The following TEX11 variants were observed in gnomAD, a reference collection of about 807,000 sequenced individuals.
TEX11 encodes the protein testis-expressed protein 11.
Under a neutral mutation model 84.4 loss-of-function variants are expected in TEX11, and 7 were observed. That is an observed-to-expected ratio of 0.08 (90% CI 0.05 to 0.16). The LOEUF (loss-of-function observed/expected upper bound fraction) is 0.16. TEX11 is among the 10% of genes least tolerant of loss of function. The pLI, the probability that TEX11 is intolerant of heterozygous loss-of-function variation, is 1.00. For missense variants in TEX11, 551 were observed against 660.5 expected (o/e 0.83, Z 1.82); for synonymous variants, 264 against 222.8 (o/e 1.18, Z -1.64).
chrX:70,757,566 A>T (rs1005126511), intron 9 of TEX11, among the ~76,000 whole-genome samples: 17 of 112,004 alleles, frequency 1.5e-4, no homozygotes, highest in African/African-American at 5.5e-4. Context: ...CAGACAAGTA[A>T]ATGCTGAGAC....
intron 9 of TEX11, among the ~76,000 whole-genome samples, chrX:70,784,773 T>A (rs919048046): frequency 9.0e-6 from 1 of 111,420 alleles, no homozygotes; most frequent in African/African-American, 3.3e-5. Flanking sequence ...TTACAAGGGA[T>A]GTGAAGGACC....
chrX:70,756,113 T>C lies in TEX11; in HGVS notation c.693-11894A>G, dbSNP rs188131219. Among the ~76,000 whole-genome samples the C allele has an allele frequency of 3.9e-3, 437 of 112,125 alleles. 1 individual carries two copies. The highest frequency in any genetic ancestry group is 6.5e-3 in the Non-Finnish European group (346 of 53,051). On this transcript the variant is annotated intron_variant, in intron 9 of 29. Coordinates refer to ENST00000374333, the MANE Select transcript of TEX11 (RefSeq NM_031276.3). ...CGTGAAAACAAAGAGGCCAGGAAGC[T>C]CGAACTGGGCGGAGCCCACTGCAGC...
At chrX:70,712,313 C>G (rs1481162353) in intron 13 of TEX11, among the ~76,000 whole-genome samples, 1 of 111,404 alleles carries the variant, frequency 9.0e-6, no homozygotes, top group Non-Finnish European at 1.9e-5. Flanking sequence ...GTAGCTTTTT[C>G]CAATTCTGTG....
intron 8 of TEX11, among the ~76,000 whole-genome samples, chrX:70,818,371 TAGAA>T (rs2091301057): frequency 9.0e-6 from 1 of 110,642 alleles, no homozygotes. Flanking sequence ...GATAACCACA[TAGAA>T]AACAGTAGGA....
chrX:70,668,209 A>G (rs2089993093), intron 16 of TEX11, among the ~76,000 whole-genome samples: 1 of 112,259 alleles, frequency 8.9e-6, no homozygotes, highest in African/African-American at 3.2e-5. Flanking sequence ...TAAAAACTCA[A>G]CAAGAGTCAG....
At chrX:70,674,214 C>A (rs2147642519) in intron 15 of TEX11, among the ~76,000 whole-genome samples, 1 of 112,304 alleles carries the variant, frequency 8.9e-6, no homozygotes, top group South Asian at 3.7e-4. Flanking sequence ...ATCAATGTTC[C>A]CGCAAAAGAC....
At position 70,780,636 on chromosome X, in the gene TEX11, C is replaced by T. The variant is rs141820302; in HGVS notation, c.692+26069G>A. On this transcript the variant is annotated intron_variant, in intron 9 of 29. Coordinates refer to ENST00000374333, the MANE Select transcript of TEX11 (RefSeq NM_031276.3). ...GTGCCTTTCCCACAGTCTTCACAAC[C>T]GGCAGACCAGGAAATTCCCTCTCGT... Among the ~76,000 whole-genome samples, 1,087 of 112,681 alleles carry T rather than the reference C, an allele frequency of 9.6e-3. 12 individuals are homozygous for T. The highest frequency in any genetic ancestry group is 0.034 in the African/African-American group (1,057 of 31,093).
intron 7 of TEX11, among the ~76,000 whole-genome samples, chrX:70,835,302 T>C (rs2091399638): frequency 8.9e-6 from 1 of 112,397 alleles, no homozygotes; most frequent in Non-Finnish European, 1.9e-5. Flanking sequence ...AAAGTGTCTA[T>C]CATTACTCAG....
chrX:70,541,801 GT>G (rs1450358695), intron 28 of TEX11, among the ~76,000 whole-genome samples: 1 of 111,974 alleles, frequency 8.9e-6, no homozygotes, highest in Non-Finnish European at 1.9e-5. Flanking sequence ...ATCTCTCTGT[GT>G]TATTTCTTAC....
chrX:70,577,343 A>T (rs1011412256), intron 25 of TEX11, among the ~76,000 whole-genome samples: 2 of 112,114 alleles, frequency 1.8e-5, no homozygotes, highest in African/African-American at 6.5e-5. Flanking sequence ...ATTGTGACTA[A>T]ACATATCAGC....
At chrX:70,703,982 T>C (rs1277374662) in intron 13 of TEX11, among the ~76,000 whole-genome samples, 1 of 111,290 alleles carries the variant, frequency 9.0e-6, no homozygotes, top group African/African-American at 3.3e-5. Flanking sequence ...GATTGAATCA[T>C]GGAGGTGGAT....
At chrX:70,641,500 C>T (rs774150028) in intron 17 of TEX11, among the ~76,000 whole-genome samples, 8 of 111,213 alleles carry the variant, frequency 7.2e-5, no homozygotes, top group African/African-American at 1.6e-4. Context: ...TATTGCAAAA[C>T]TGACCACATA....
intron 13 of TEX11, among the ~76,000 whole-genome samples, chrX:70,710,826 T>C (rs1192606502): frequency 9.0e-6 from 1 of 111,208 alleles, no homozygotes; most frequent in Non-Finnish European, 1.9e-5. Flanking sequence ...TTAGGGTACA[T>C]GTGCACATTG....
At chrX:70,518,831 T>C in the TEX11 span, among the ~76,000 whole-genome samples, 1 of 112,328 alleles carries the variant, frequency 8.9e-6, no homozygotes, top group South Asian at 3.7e-4. Context: ...ATATTTAAGA[T>C]AGCTCTTCTT....
At chrX:70,721,751 G>A (rs973198844) in intron 13 of TEX11, among the ~76,000 whole-genome samples, 1 of 111,749 alleles carries the variant, frequency 8.9e-6, no homozygotes, top group East Asian at 2.8e-4. Flanking sequence ...GCACCACGAC[G>A]GCAGAGTTGA....
chrX:70,784,211 GA>G (rs1281901450), intron 9 of TEX11, among the ~76,000 whole-genome samples: 2 of 111,604 alleles, frequency 1.8e-5, no homozygotes, highest in Non-Finnish European at 1.9e-5. Context: ...CACATAAAGA[GA>G]ACCAATGACA....
intron 9 of TEX11, among the ~76,000 whole-genome samples, chrX:70,751,382 G>A (rs930905819): frequency 3.9e-5 from 4 of 101,818 alleles, no homozygotes; most frequent in Non-Finnish European, 5.9e-5. Flanking sequence ...CTATCGCAAG[G>A]ACAAAAAACC....
At chrX:70,527,535 A>T (rs767314344), downstream of TEX11, among the ~76,000 whole-genome samples, 6 of 112,460 alleles carry the variant, frequency 5.3e-5, no homozygotes, top group Admixed American at 3.8e-4. Context: ...TTGAGGAATC[A>T]TTTCAGTTTG....
intron 9 of TEX11, among the ~76,000 whole-genome samples, chrX:70,756,165 G>A (rs939300058): frequency 5.3e-5 from 6 of 112,857 alleles, no homozygotes; most frequent in African/African-American, 1.9e-4. Context: ...CCTTGCTGTA[G>A]ATTCCACCTT....
Sources: allele counts gnomAD v4.1 joint callset (sites outside exome capture counted in the v4.1 genomes callset), GRCh38; gene constraint gnomAD v4.1.1; transcripts MANE v1.5; gene names NCBI Gene and HGNC (gene_info 2026-07-23, HGNC 2026-07-21).